The following EIPR1 variants were observed in gnomAD, a reference collection of about 807,000 sequenced individuals.
The protein encoded by EIPR1 is EARP and GARP complex-interacting protein 1.
In EIPR1, 25 loss-of-function variants were observed where a neutral mutation model predicts 48.1. The ratio of observed to expected loss-of-function variants is 0.52; its 90% CI spans 0.38 to 0.73. The LOEUF is 0.73. Among genes scored for constraint, EIPR1 ranks in the 30% least tolerant of loss-of-function variants. EIPR1 has a pLI of 0.00. For missense variants in EIPR1, 415 were observed against 506.2 expected, an observed-to-expected ratio of 0.82 and a Z score of 1.73; for synonymous variants, 204 against 201.9, an observed-to-expected ratio of 1.01 and a Z score of -0.09.
intron 3 of EIPR1, among the ~76,000 whole-genome samples, chr2:3,280,793 A>T (rs181720790): frequency 6.6e-6 from 1 of 152,132 alleles, no homozygotes; most frequent in East Asian, 1.9e-4. Flanking sequence ...CTTCCAGCGC[A>T]CTCAAGGAGA....
chr2:3,329,099 C>T (rs1467289075), intron 3 of EIPR1, among the ~76,000 whole-genome samples: 1 of 143,750 alleles, frequency 7.0e-6, no homozygotes, highest in Non-Finnish European at 1.5e-5. Context: ...AATCAGAGCC[C>T]ACCCACCACG....
intron 3 of EIPR1, among the ~76,000 whole-genome samples, chr2:3,299,600 ATT>A (rs1273749407): frequency 1.2e-4 from 17 of 147,118 alleles, no homozygotes; most frequent in African/African-American, 4.4e-4. Context: ...AAAGGAAAAT[ATT>A]TTCTCTCTCT....
rs563474911 is a variant in EIPR1, at chr2:3,322,004, T to C, written c.259+16013A>G. Among the ~76,000 whole-genome samples the C allele has an allele frequency of 1.8e-4, 27 of 152,320 alleles. No homozygotes were observed. The East Asian group carries it at 5.0e-3, about 28-fold the overall frequency. On this transcript the variant is annotated intron_variant, in intron 3 of 8. Transcript: ENST00000382125. ...CCAAAAGCCAATTCTCGACAGCATCTTATCCGAGGGATCGGTGGTGAATTC... is the reference window on the plus strand; with the variant it reads ...CCAAAAGCCAATTCTCGACAGCATCCTATCCGAGGGATCGGTGGTGAATTC...
chr2:3,191,251 C>T (rs1214925170), intron 8 of EIPR1, among the ~76,000 whole-genome samples: 1 of 113,086 alleles, frequency 8.8e-6, no homozygotes, highest in Non-Finnish European at 1.8e-5. Context: ...CCCATCGCCA[C>T]TGCAGAGAGG....
At chr2:3,333,875 G>C (rs938470908) in intron 3 of EIPR1, among the ~76,000 whole-genome samples, 1 of 152,132 alleles carries the variant, frequency 6.6e-6, no homozygotes, top group Non-Finnish European at 1.5e-5. Flanking sequence ...ACTCACGCCA[G>C]CTGGCCCTGT....
chr2:3,265,336 A>G (rs779553384), intron 3 of EIPR1, among the ~76,000 whole-genome samples: 2 of 152,230 alleles, frequency 1.3e-5, no homozygotes, highest in Non-Finnish European at 2.9e-5. Flanking sequence ...CCTCAGAGGC[A>G]GATGAAATGG....
At chr2:3,264,781 G>A (rs554702931) in intron 3 of EIPR1, among the ~76,000 whole-genome samples, 40 of 152,264 alleles carry the variant, frequency 2.6e-4, no homozygotes, top group African/African-American at 4.8e-4. Flanking sequence ...TCCGCCTCCC[G>A]GGTTCAAGCG....
rs146750951 is a variant in EIPR1 at position 3,192,572 on chromosome 2, G to A, written c.831C>T (p.Asn277=). ...TLEEHSHWVW[N]VRYNHSHDQL... Reference sequence around the variant, plus strand: ...GGTCATGAGAGTGGTTGTAGCGGACGTTCCACACCCTGCAAAGGGCAAGGC... The same window carrying A: ...GGTCATGAGAGTGGTTGTAGCGGACATTCCACACCCTGCAAAGGGCAAGGC... The change falls in exon 8 of 9, where the codon AAC becomes AAT. Residue 277 remains asparagine (N), a synonymous_variant. Transcript: ENST00000382125. 2.2e-4 allele frequency: 357 copies of A among 1,611,138 alleles called. 3 individuals are homozygous for A. The South Asian group carries it at 2.3e-3, about 10-fold the overall frequency.
intron 3 of EIPR1, among the ~76,000 whole-genome samples, chr2:3,303,477 C>T (rs1668819812): frequency 6.6e-6 from 1 of 152,274 alleles, no homozygotes; most frequent in Admixed American, 6.5e-5. Context: ...TCGACCGCCA[C>T]TCACAGCAGC....
chr2:3,212,137 CA>C (rs1665478106), intron 5 of EIPR1, among the ~76,000 whole-genome samples: 1 of 151,946 alleles, frequency 6.6e-6, no homozygotes, highest in Non-Finnish European at 1.5e-5. Context: ...TGGAGGGCCA[CA>C]AAGTAATATT....
intron 3 of EIPR1, among the ~76,000 whole-genome samples, chr2:3,317,819 G>A (rs1286122736): frequency 3.3e-5 from 5 of 152,194 alleles, no homozygotes; most frequent in Admixed American, 6.5e-5. Context: ...ATGATGCCAC[G>A]GTGAGAAGGG....
At chr2:3,275,158 G>T (rs1280181410) in intron 3 of EIPR1, among the ~76,000 whole-genome samples, 2 of 152,130 alleles carry the variant, frequency 1.3e-5, no homozygotes, top group African/African-American at 4.8e-5. Context: ...GCAAAACATT[G>T]TTTACAAGAC....
chr2:3,303,325 C>T (rs1668815816), intron 3 of EIPR1, among the ~76,000 whole-genome samples: 1 of 152,198 alleles, frequency 6.6e-6, no homozygotes, highest in Admixed American at 6.5e-5. Context: ...CTCGGAGCCT[C>T]ACCAGGGCCA....
At chr2:3,353,415 G>A (rs543621779) in intron 2 of EIPR1, 2 of 420,864 alleles carry the variant, frequency 4.8e-6, no homozygotes, top group Non-Finnish European at 9.7e-6. Flanking sequence ...ATCATCTAAC[G>A]ATTCTTAAGT....
At chr2:3,268,273 A>T (rs1667553389) in intron 3 of EIPR1, among the ~76,000 whole-genome samples, 1 of 151,982 alleles carries the variant, frequency 6.6e-6, no homozygotes, top group South Asian at 2.1e-4. Context: ...GCCTATCTGC[A>T]CCCTGTCTAT....
intron 3 of EIPR1, among the ~76,000 whole-genome samples, chr2:3,278,855 CG>C (rs1201831513): frequency 6.6e-6 from 1 of 152,144 alleles, no homozygotes; most frequent in East Asian, 1.9e-4. Context: ...GAGGAGGTCA[CG>C]GGGGGCACTG....
At chr2:3,239,457 T>C (rs925670201) in intron 4 of EIPR1, among the ~76,000 whole-genome samples, 2 of 152,160 alleles carry the variant, frequency 1.3e-5, no homozygotes, top group East Asian at 1.9e-4. Context: ...GGAAGGAGGC[T>C]CAGTGTGCCG....
At chr2:3,269,647 C>T (rs1558263823) in intron 3 of EIPR1, among the ~76,000 whole-genome samples, 1 of 151,386 alleles carries the variant, frequency 6.6e-6, no homozygotes, top group Non-Finnish European at 1.5e-5. Flanking sequence ...CACACTCAAT[C>T]ATCACACTCA....
At chr2:3,324,979 G>T (rs1201772764) in intron 3 of EIPR1, among the ~76,000 whole-genome samples, 2 of 152,222 alleles carry the variant, frequency 1.3e-5, no homozygotes, top group Admixed American at 6.5e-5. Context: ...CCTCAGCAAG[G>T]CCAAAGAACG....
Sources: allele counts gnomAD v4.1 joint callset (sites outside exome capture counted in the v4.1 genomes callset), GRCh38; gene constraint gnomAD v4.1.1; transcripts MANE v1.5; gene names NCBI Gene and HGNC (gene_info 2026-07-23, HGNC 2026-07-21).